Variants in CYP39A1 observed in about 807,000 individuals in gnomAD.
CYP39A1 encodes the protein 24-hydroxycholesterol 7-alpha-hydroxylase.
In CYP39A1, 49 loss-of-function variants were observed where a neutral mutation model predicts 58.1. That is an observed-to-expected ratio of 0.84 (90% CI 0.67 to 1.07). The LOEUF (loss-of-function observed/expected upper bound fraction) is 1.07, where lower values mean the gene tolerates loss of function less well. Among genes scored for constraint, CYP39A1 ranks in the 50% least tolerant of loss-of-function variants. The probability of loss-of-function intolerance (pLI) is 0.00; values close to 1 mark genes in which losing one functional copy is unlikely to be tolerated. For synonymous variants in CYP39A1, 209 were observed against 187.6 expected, an observed-to-expected ratio of 1.11 and a Z score of -0.93; for missense variants, 531 against 539.4, an observed-to-expected ratio of 0.98 and a Z score of 0.16.
intron 10 of CYP39A1, among the ~76,000 whole-genome samples, chr6:46,577,364 C>T (rs912055203): frequency 6.6e-6 from 1 of 152,160 alleles, no homozygotes; most frequent in Non-Finnish European, 1.5e-5. Flanking sequence ...AAAGCAACTA[C>T]ACAATCAAGT....
At chr6:46,589,013 T>C (rs1489646523) in intron 8 of CYP39A1, among the ~76,000 whole-genome samples, 12 of 152,126 alleles carry the variant, frequency 7.9e-5, no homozygotes, top group Non-Finnish European at 1.8e-4. Context: ...TTTACTAAGG[T>C]AGAGATATTT....
At chr6:46,566,337 G>A (rs897772323) in intron 10 of CYP39A1, among the ~76,000 whole-genome samples, 1 of 152,138 alleles carries the variant, frequency 6.6e-6, no homozygotes, top group Admixed American at 6.6e-5. Context: ...AAAGGAAAGA[G>A]GCTCAATTGA....
chr6:46,628,756 G>A (rs565184606), intron 6 of CYP39A1, among the ~76,000 whole-genome samples: 1 of 152,286 alleles, frequency 6.6e-6, no homozygotes, highest in African/African-American at 2.4e-5. Context: ...GGTCACTAAA[G>A]CAGAATAGCA....
At chr6:46,594,027 C>T (rs1048268610) in intron 8 of CYP39A1, among the ~76,000 whole-genome samples, 3 of 152,046 alleles carry the variant, frequency 2.0e-5, no homozygotes, top group African/African-American at 7.2e-5. Context: ...ATCCTGAATT[C>T]CTTAGCTCAT....
intron 11 of CYP39A1, among the ~76,000 whole-genome samples, chr6:46,552,105 A>G (rs1194253248): frequency 1.3e-5 from 2 of 152,222 alleles, no homozygotes; most frequent in Admixed American, 6.5e-5. Context: ...GTCTTAAGGA[A>G]TTGGTCAAAA....
intron 5 of CYP39A1, among the ~76,000 whole-genome samples, chr6:46,635,219 G>A (rs1775909512): frequency 6.6e-6 from 1 of 152,172 alleles, no homozygotes; most frequent in South Asian, 2.1e-4. Context: ...TTTAAATGAT[G>A]ATAACAATGA....
In CYP39A1 at chr6:46,566,834, T is replaced by TTA. The variant is rs3085574; in HGVS notation, c.1251-12982_1251-12981dup. ...ATATTTAAAGCACAAAATGAGATGA[T>TTA]TATATATATATATATACACACACAT... On this transcript the variant is annotated intron_variant, in intron 10 of 11. Coordinates refer to ENST00000275016, the MANE Select transcript of CYP39A1 (RefSeq NM_016593.5). 2.3e-3 allele frequency among the ~76,000 whole-genome samples: 338 copies of TTA among 149,434 alleles called. 3 individuals are homozygous for TTA. Among genetic ancestry groups the TTA allele is most frequent in the South Asian group, 0.016 (78 of 4,744 alleles).
intron 7 of CYP39A1, among the ~76,000 whole-genome samples, chr6:46,616,154 TTC>T (rs1323576153): frequency 4.8e-3 from 2 of 420 alleles, no homozygotes; most frequent in Admixed American, 0.031. Flanking sequence ...CTTTCTTTCT[TTC>T]TTTCTTTTTT....
At chr6:46,603,698 A>G (rs1012233796) in intron 7 of CYP39A1, among the ~76,000 whole-genome samples, 5 of 152,160 alleles carry the variant, frequency 3.3e-5, no homozygotes, top group African/African-American at 7.2e-5. Flanking sequence ...TTTTTGGTTT[A>G]CTCACTCGTT....
intron 7 of CYP39A1, among the ~76,000 whole-genome samples, chr6:46,609,332 G>C (rs1774058969): frequency 6.6e-6 from 1 of 151,758 alleles, no homozygotes; most frequent in African/African-American, 2.4e-5. Context: ...GAACCCGGGA[G>C]GCGGAGCTTG....
At chr6:46,618,864 A>G (rs559894711) in intron 7 of CYP39A1, among the ~76,000 whole-genome samples, 2 of 152,210 alleles carry the variant, frequency 1.3e-5, no homozygotes, top group East Asian at 3.9e-4. Flanking sequence ...CACAGAACTC[A>G]GCCTGGAGCA....
chr6:46,634,523 G>GTTTTTTTTTTTTTTTTTTTGT (rs530045412), intron 5 of CYP39A1, among the ~76,000 whole-genome samples: 1 of 131,024 alleles, frequency 7.6e-6, no homozygotes, highest in South Asian at 2.4e-4. Context: ...TTTTCTTTTT[G>GTTTTTTTTTTTTTTTTTTTGT]CTTTTTTTTT....
At chr6:46,566,061 T>C (rs1582302271) in intron 10 of CYP39A1, among the ~76,000 whole-genome samples, 1 of 152,182 alleles carries the variant, frequency 6.6e-6, no homozygotes, top group Non-Finnish European at 1.5e-5. Context: ...CTGGAGAACC[T>C]CAGCCCTTCT....
intron 6 of CYP39A1, among the ~76,000 whole-genome samples, chr6:46,627,971 A>C (rs573824075): frequency 3.3e-5 from 5 of 152,148 alleles, no homozygotes; most frequent in Non-Finnish European, 5.9e-5. Context: ...GAGATGGGCA[A>C]GAAGAAGAAG....
intron 7 of CYP39A1, among the ~76,000 whole-genome samples, chr6:46,604,998 T>C (rs1773751977): frequency 6.7e-6 from 1 of 149,790 alleles, no homozygotes; most frequent in African/African-American, 2.5e-5. Flanking sequence ...CAATAGCTGA[T>C]GAGCTTAAAA....
intron 10 of CYP39A1, among the ~76,000 whole-genome samples, chr6:46,557,609 C>T (rs1302534535): frequency 1.3e-5 from 2 of 149,782 alleles, no homozygotes; most frequent in African/African-American, 5.0e-5. Context: ...TGCCACTACA[C>T]TCCAGCCTGG....
chr6:46,580,112 G>A (rs561439405), intron 10 of CYP39A1, among the ~76,000 whole-genome samples: 24 of 152,138 alleles, frequency 1.6e-4, no homozygotes, highest in African/African-American at 5.8e-4. Flanking sequence ...TATACTACAA[G>A]GCCACAGTAA....
chr6:46,596,880 A>G (rs1168222411), intron 7 of CYP39A1, among the ~76,000 whole-genome samples: 1 of 152,168 alleles, frequency 6.6e-6, no homozygotes, highest in Non-Finnish European at 1.5e-5. Flanking sequence ...ACTTGAAACA[A>G]CTGCGCTTTC....
intron 7 of CYP39A1, among the ~76,000 whole-genome samples, chr6:46,598,824 A>G (rs1773323643): frequency 6.6e-6 from 1 of 152,164 alleles, no homozygotes; most frequent in African/African-American, 2.4e-5. Context: ...CTGAGGTTCT[A>G]ATTTTTGAAT....
Sources: gnomAD v4.1 joint callset for allele counts (sites outside exome capture counted in the v4.1 genomes callset) on GRCh38, gnomAD v4.1.1 for gene constraint, MANE v1.5 for transcripts, NCBI Gene and HGNC (gene_info 2026-07-23, HGNC 2026-07-21) for gene names.